The following PCDH15 variants were observed in gnomAD, a reference collection of about 807,000 sequenced individuals.
PCDH15 encodes protocadherin related 15, also known as protocadherin-15.
In PCDH15, 129 loss-of-function variants were observed where a neutral mutation model predicts 178.5. That is an observed-to-expected ratio of 0.72 (90% CI 0.63 to 0.84). PCDH15 has a LOEUF of 0.84. Among genes scored for constraint, PCDH15 ranks in the 40% least tolerant of loss-of-function variants. The pLI is 0.00. For missense variants in PCDH15, 2,230 were observed against 2,099.9 expected (o/e 1.06, Z -1.21); for synonymous variants, 800 against 732.0 (o/e 1.09, Z -1.50).
At chr10:54,601,957 C>A (rs1590405047) in intron 2 of PCDH15, among the ~76,000 whole-genome samples, 1 of 151,716 alleles carries the variant, frequency 6.6e-6, no homozygotes, top group Non-Finnish European at 1.5e-5. Context: ...ACAAAGACAG[C>A]AACAACCAGA....
At chr10:54,694,696 A>G (rs929042758) in intron 1 of PCDH15, among the ~76,000 whole-genome samples, 1 of 152,078 alleles carries the variant, frequency 6.6e-6, no homozygotes, top group Non-Finnish European at 1.5e-5. Flanking sequence ...CCAGGTCCAT[A>G]GAAGATGATA....
intron 15 of PCDH15, among the ~76,000 whole-genome samples, chr10:54,109,170 G>A (rs912760767): frequency 6.6e-6 from 1 of 152,098 alleles, no homozygotes; most frequent in Non-Finnish European, 1.5e-5. Context: ...ATTGGCAACA[G>A]TATTTGAAAT....
chr10:54,049,998 C>T (rs2093733974), intron 18 of PCDH15, among the ~76,000 whole-genome samples: 1 of 152,086 alleles, frequency 6.6e-6, no homozygotes, highest in South Asian at 2.1e-4. Context: ...TGTCTCTGTT[C>T]CTCAGTGGTA....
At position 54,020,209 on chromosome 10, in the gene PCDH15, C is replaced by A. The variant is rs777260773; in HGVS notation, c.2734G>T (p.Val912Phe). ...GCCCTTACCTTTACAATCACTGTGA[C>A]AGTAGCAATACCAGGTGGCATTGTT... Reference protein sequence around the residue: ...YGTMPPGIATVTVIVKDMNDY... With the variant: ...YGTMPPGIATFTVIVKDMNDY... Residue 912 changes from valine to phenylalanine, a missense_variant, in exon 20 of 38, where the codon GTC (valine) becomes TTC (phenylalanine). Coordinates refer to ENST00000644397, the MANE Select transcript of PCDH15 (RefSeq NM_001384140.1). 6.2e-7 allele frequency: 1 copy of A among 1,613,560 alleles called. No homozygotes were observed. Among genetic ancestry groups the A allele is most frequent in the Non-Finnish European group, 8.5e-7 (1 of 1,179,648 alleles).
Position 53,851,837 on chromosome 10 carries a change from A to G in PCDH15, c.3806+5338T>C, listed in dbSNP as rs915124121. The stretch of plus-strand genomic sequence containing the variant: ...TTTTGTAACCTTAATTCTAGGAACT[A>G]TAGATTGATTACACAGCACATTTCA... On this transcript the variant is annotated intron_variant, in intron 28 of 37. Coordinates refer to ENST00000644397, the MANE Select transcript of PCDH15 (RefSeq NM_001384140.1). Among the ~76,000 whole-genome samples the G allele has an allele frequency of 4.5e-4, 68 of 151,106 alleles. 1 individual carries two copies. Among genetic ancestry groups the G allele is most frequent in the Admixed American group, 1.4e-3 (21 of 15,092 alleles).
At chr10:55,064,354 T>C (rs1841509945) in intron 2 of PCDH15, among the ~76,000 whole-genome samples, 1 of 152,118 alleles carries the variant, frequency 6.6e-6, no homozygotes, top group Admixed American at 6.6e-5. Context: ...TGACATCCTG[T>C]AGATAAATGC....
chr10:55,500,621 G>T (rs566503032), intron 2 of PCDH15, among the ~76,000 whole-genome samples: 5 of 151,816 alleles, frequency 3.3e-5, no homozygotes, highest in African/African-American at 1.2e-4. Flanking sequence ...CAATGCTGCT[G>T]GTCTATTGAT....
intron 18 of PCDH15, among the ~76,000 whole-genome samples, chr10:54,041,049 T>C (rs574825557): frequency 1.3e-5 from 2 of 152,146 alleles, no homozygotes; most frequent in Non-Finnish European, 2.9e-5. Context: ...TGTTTGAAAT[T>C]GAAGAGTCTG....
At chr10:55,511,475 C>T (rs536973174) in intron 2 of PCDH15, among the ~76,000 whole-genome samples, 1 of 151,886 alleles carries the variant, frequency 6.6e-6, no homozygotes, top group Non-Finnish European at 1.5e-5. Context: ...ACTAGGAGAC[C>T]CTCTGTTCTC....
chr10:55,251,389 C>A (rs1333023214), intron 1 of PCDH15, among the ~76,000 whole-genome samples: 1 of 152,112 alleles, frequency 6.6e-6, no homozygotes, highest in African/African-American at 2.4e-5. Context: ...TAAACCATGT[C>A]AAACAGTAAT....
At chr10:55,435,762 G>A (rs78784241) in intron 2 of PCDH15, among the ~76,000 whole-genome samples, 2,735 of 152,120 alleles carry the variant, frequency 0.018, 79 homozygotes, top group African/African-American at 0.062. Context: ...TATAACTGTC[G>A]TAAAAAGCCA....
intron 2 of PCDH15, chr10:55,597,024 A>G (rs2132137969): frequency 6.6e-6 from 1 of 152,308 alleles, no homozygotes; most frequent in African/African-American, 2.4e-5. Context: ...TTATATCTCA[A>G]TGTACTAGTG....
At chr10:55,200,952 A>G (rs947852833) in intron 1 of PCDH15, among the ~76,000 whole-genome samples, 2 of 152,094 alleles carry the variant, frequency 1.3e-5, no homozygotes, top group East Asian at 3.9e-4. Flanking sequence ...TCTTTTCTTC[A>G]TAAATCACCC....
chr10:55,322,051 T>A (rs1457341769), upstream of PCDH15, among the ~76,000 whole-genome samples: 1 of 152,174 alleles, frequency 6.6e-6, no homozygotes, highest in African/African-American at 2.4e-5. Flanking sequence ...AAGTCTCACC[T>A]CGAATTGTAA....
intron 9 of PCDH15, among the ~76,000 whole-genome samples, chr10:54,234,995 C>G (rs971714858): frequency 2.0e-5 from 3 of 152,182 alleles, no homozygotes; most frequent in African/African-American, 7.2e-5. Context: ...TCCAGTACTT[C>G]CGGCCCCCTT....
intron 18 of PCDH15, among the ~76,000 whole-genome samples, chr10:54,056,165 G>T (rs537361629): frequency 1.3e-5 from 2 of 152,192 alleles, no homozygotes; most frequent in South Asian, 4.1e-4. Context: ...GTGATATTTT[G>T]CTGGAATGTG....
chr10:54,476,788 C>G (rs1490153262), intron 3 of PCDH15, among the ~76,000 whole-genome samples: 2 of 152,096 alleles, frequency 1.3e-5, no homozygotes, highest in Non-Finnish European at 2.9e-5. Flanking sequence ...CTGTGGTCAT[C>G]TATGAATGAA....
At chr10:54,296,101 C>T (rs1253500442) in intron 8 of PCDH15, among the ~76,000 whole-genome samples, 13 of 141,782 alleles carry the variant, frequency 9.2e-5, no homozygotes, top group East Asian at 4.1e-4. Flanking sequence ...GCCGAGATCC[C>T]GCCACTGCAC....
chr10:55,069,422 T>C (rs1445939989), intron 2 of PCDH15, among the ~76,000 whole-genome samples: 4 of 120,480 alleles, frequency 3.3e-5, no homozygotes, highest in African/African-American at 3.1e-5. Context: ...TGCTATCCCT[T>C]CCCCCTCCCC....
Sources: gnomAD v4.1 joint callset for allele counts (sites outside exome capture counted in the v4.1 genomes callset) on GRCh38, gnomAD v4.1.1 for gene constraint, MANE v1.5 for transcripts, NCBI Gene and HGNC (gene_info 2026-07-23, HGNC 2026-07-21) for gene names.